The following TMEM179 variants were observed in gnomAD, a reference collection of about 807,000 sequenced individuals.
The protein encoded by TMEM179 is transmembrane protein 179, also known as transmembrane protein 179A.
A neutral mutation model predicts 22.2 loss-of-function variants in TMEM179; 17 were observed. The observed-to-expected ratio is 0.77, with a 90% CI of 0.52 to 1.15. The LOEUF (loss-of-function observed/expected upper bound fraction) is 1.15, where lower values mean the gene tolerates loss of function less well. Among genes scored for constraint, TMEM179 ranks in the 50% most tolerant of loss-of-function variants. The probability of loss-of-function intolerance (pLI) is 0.00; values close to 1 mark genes in which losing one functional copy is unlikely to be tolerated. For synonymous variants in TMEM179, 127 were observed against 140.5 expected, an observed-to-expected ratio of 0.90 and a Z score of 0.68; for missense variants, 265 against 313.6, an observed-to-expected ratio of 0.84 and a Z score of 1.17.
rs1178994982 is a variant in TMEM179, at chr14:104,593,186, C to T, written c.*293G>A. ...ACATAGGCTGGCCAGTCAGGTCCTA[C>T]TGGGACAGCCAAGGGGCCCTGTGCG... is the stretch of plus-strand genomic sequence containing the variant. On this transcript the variant is annotated 3_prime_UTR_variant, in exon 4 of 4. Coordinates refer to ENST00000556573, the MANE Select transcript of TMEM179 (RefSeq NM_001286389.2). The T allele has an allele frequency of 1.0e-4, 50 of 495,648 alleles. 1 individual carries two copies. The highest frequency in any genetic ancestry group is 3.6e-6 in the Non-Finnish European group (1 of 278,426). 30.7% of individuals were successfully genotyped at this position (495,648 alleles called of 1,614,324 possible).
intron 1 of TMEM179, among the ~76,000 whole-genome samples, chr14:104,599,167 C>T (rs1004385467): frequency 6.6e-6 from 1 of 152,204 alleles, no homozygotes; most frequent in Non-Finnish European, 1.5e-5. Flanking sequence ...TGGCTCCATC[C>T]GCCCTGCCCA....
Position 104,591,150 on chromosome 14 carries a change from A to T in TMEM179, c.*2329T>A. On this transcript the variant is annotated 3_prime_UTR_variant, in exon 4 of 4. Transcript: ENST00000556573. ...TGTGTCTGGGCTCCGGAGACAGCCC[A>T]GTCCAGGGTGGGTCTATGTCTGCAT... is the stretch of plus-strand genomic sequence containing the variant. 2.9e-6 allele frequency: 1 copy of T among 340,960 alleles called. No individual in the cohort carries two copies. Among genetic ancestry groups the T allele is most frequent in the Non-Finnish European group, 5.8e-6 (1 of 173,430 alleles). The allele number at this position is 340,960 out of a possible 1,614,324, so 21.1% of individuals were successfully genotyped here.
At chr14:104,596,662 T>C (rs1305634553) in intron 2 of TMEM179, among the ~76,000 whole-genome samples, 1 of 152,072 alleles carries the variant, frequency 6.6e-6, no homozygotes, top group Non-Finnish European at 1.5e-5. Flanking sequence ...ACGGGATCTG[T>C]CATCTAAGCC....
Position 104,593,504 on chromosome 14 carries a change from T to G in TMEM179, c.677A>C (p.Gln226Pro), listed in dbSNP as rs1243945847. 2 of 1,535,836 alleles carry G rather than the reference T, an allele frequency of 1.3e-6. No individual in the cohort carries two copies. Among genetic ancestry groups the G allele is most frequent in the Non-Finnish European group, 1.7e-6 (2 of 1,146,774 alleles). ...CTAAATGACAGCGCTCTTCTCCTCT[T>G]GGAAGGAGGTGCGTGGGGACGGCCG... is the stretch of plus-strand genomic sequence containing the variant. ...LARPSPRTSF[Q>P]EEKSAVI Residue 226 changes from glutamine (Q) to proline (P), a missense_variant, in exon 4 of 4, where the codon CAA becomes CCA. By Grantham distance (76) the Gln-to-Pro change is moderately conservative (BLOSUM62 -1). Coordinates refer to ENST00000556573, the MANE Select transcript of TMEM179 (RefSeq NM_001286389.2).
Position 104,597,526 on chromosome 14 carries a change from T to C in TMEM179, c.306-399A>G, listed in dbSNP as rs534194029. The stretch of plus-strand genomic sequence containing the variant: ...AGGTGCTTGTGTCCCCCCAAATCCA[T>C]ATGTTCCAGTCCACTGAGGGGTTAG... On this transcript the variant is annotated intron_variant, in intron 1 of 3. Coordinates refer to ENST00000556573, the MANE Select transcript of TMEM179 (RefSeq NM_001286389.2). This position sits in a 1 kb window ranked among gnomAD's most constrained non-coding sequence, Gnocchi z 4.8. 6.6e-6 allele frequency among the ~76,000 whole-genome samples: 1 copy of C among 152,068 alleles called. No homozygotes were observed. Among genetic ancestry groups the C allele is most frequent in the East Asian group, 1.9e-4 (1 of 5,168 alleles).
intron 3 of TMEM179, chr14:104,594,915 C>T (rs1886967253): frequency 7.7e-7 from 1 of 1,292,044 alleles, no homozygotes; most frequent in South Asian, 1.8e-5. Context: ...GACCCCAGGG[C>T]CTTGCCACTT....
chr14:104,600,677 T>C (rs897622235), intron 1 of TMEM179, among the ~76,000 whole-genome samples: 1 of 152,242 alleles, frequency 6.6e-6, no homozygotes, highest in Non-Finnish European at 1.5e-5. Context: ...AGCATCAAGA[T>C]GACACTCCTC....
intron 1 of TMEM179, among the ~76,000 whole-genome samples, chr14:104,598,517 C>T (rs146949937): frequency 3.1e-4 from 47 of 152,370 alleles, no homozygotes; most frequent in Middle Eastern, 3.4e-3. Flanking sequence ...AAGTGGAGGC[C>T]AGCGCATTGT....
intron 1 of TMEM179, among the ~76,000 whole-genome samples, chr14:104,598,197 A>G (rs964073281): frequency 2.6e-5 from 4 of 152,228 alleles, no homozygotes; most frequent in African/African-American, 9.6e-5. Flanking sequence ...CCTGGAATGC[A>G]CACGGAGGCT....
rs530617633 is a variant in TMEM179 at position 104,600,008 on chromosome 14, G to A, written c.306-2881C>T. The stretch of plus-strand genomic sequence containing the variant: ...CAGCCTCACCCCTATGAAATGGCCC[G>A]ATTTTGGAGTCTTCTCCCATGACCA... On this transcript the variant is annotated intron_variant, in intron 1 of 3. Transcript: ENST00000556573. Among the ~76,000 whole-genome samples, 54 of 152,294 alleles carry A rather than the reference G, an allele frequency of 3.5e-4. No individual in the cohort carries two copies. The East Asian group carries it at 7.7e-3, about 22-fold the overall frequency.
Position 104,592,525 on chromosome 14 carries a change from C to T in TMEM179, c.*954G>A, listed in dbSNP as rs1596294765. 6.7e-6 allele frequency: 1 copy of T among 149,222 alleles called. No homozygotes were observed. The highest frequency in any genetic ancestry group is 1.5e-5 in the Non-Finnish European group (1 of 66,194). 9.2% of individuals were successfully genotyped at this position (149,222 alleles called of 1,614,324 possible). A position where few individuals can be genotyped will look rare whatever the true frequency, so the allele number is the denominator to read the frequency against. ...ACACCCTCACATGCACACTCATGCA[C>T]ACTCATATCCTCCCATGCAGTCACA... On this transcript the variant is annotated 3_prime_UTR_variant, in exon 4 of 4. Coordinates refer to ENST00000556573, the MANE Select transcript of TMEM179 (RefSeq NM_001286389.2).
Position 104,591,421 on chromosome 14 carries a change from A to G in TMEM179, c.*2058T>C. ...ACAGACAAGGAGCTCTCCGGACTGG[A>G]AAGAGTCCCCATGTCCAGTGGGTCA... On this transcript the variant is annotated 3_prime_UTR_variant, in exon 4 of 4. Coordinates refer to ENST00000556573, the MANE Select transcript of TMEM179 (RefSeq NM_001286389.2). 2.2e-6 allele frequency: 1 copy of G among 455,988 alleles called. No individual in the cohort carries two copies. The highest frequency in any genetic ancestry group is 4.4e-6 in the Non-Finnish European group (1 of 226,752). The allele number at this position is 455,988 out of a possible 1,614,324, so 28.2% of individuals were successfully genotyped here.
At chr14:104,601,013 G>A (rs1237085784) in intron 1 of TMEM179, among the ~76,000 whole-genome samples, 1 of 152,224 alleles carries the variant, frequency 6.6e-6, no homozygotes, top group Non-Finnish European at 1.5e-5. Flanking sequence ...TGGACGTCCA[G>A]TGGCCGTCGA....
Position 104,597,058 on chromosome 14 carries a change from G to T in TMEM179, c.375C>A (p.Ser125Arg). 3 of 1,609,950 alleles carry T rather than the reference G, an allele frequency of 1.9e-6. No individual in the cohort carries two copies. The highest frequency in any genetic ancestry group is 2.5e-6 in the Non-Finnish European group (3 of 1,178,834). The change falls in exon 2 of 4, where the codon AGC becomes AGA. Residue 125 changes from serine to arginine, a missense_variant. Ser to Arg is a moderately radical substitution (Grantham distance 110, BLOSUM62 -1). Coordinates refer to ENST00000556573, the MANE Select transcript of TMEM179 (RefSeq NM_001286389.2). The surrounding 1 kb of genome is among the most constrained non-coding windows in gnomAD (Gnocchi z 4.8). The stretch of plus-strand genomic sequence containing the variant: ...TGGTGAAGCCCACGCTCACGATGGT[G>T]CTGGCAATGAAGACCAGGAAGACCA... The part of the protein sequence containing the change: ...AFVVFLVFIA[S>R]TIVSVGFTMW...
At chr14:104,601,777 G>A (rs1007792453) in intron 1 of TMEM179, among the ~76,000 whole-genome samples, 1 of 152,130 alleles carries the variant, frequency 6.6e-6, no homozygotes. Context: ...GAAATGCTCC[G>A]CCACAGGCCC....
intron 3 of TMEM179, chr14:104,594,899 A>G: frequency 5.8e-6 from 6 of 1,027,006 alleles, no homozygotes; most frequent in Non-Finnish European, 6.9e-6. Flanking sequence ...CACACTTCCC[A>G]CCCCAGACCC....
Position 104,604,282 on chromosome 14 carries a change from C to T in TMEM179, c.305+155G>A, listed in dbSNP as rs112573850. 6.0e-4 allele frequency among the ~76,000 whole-genome samples: 92 copies of T among 152,076 alleles called. No individual in the cohort carries two copies. Among genetic ancestry groups the T allele is most frequent in the African/African-American group, 2.0e-3 (82 of 41,484 alleles). ...CCTGGATGTGTGTGTAGACAAAGGG[C>T]GGTCTGAGTGGAGGGGGTGAGGGCG... On this transcript the variant is annotated intron_variant, in intron 1 of 3. Transcript: ENST00000556573. This position sits in a 1 kb window ranked among gnomAD's most constrained non-coding sequence, Gnocchi z 4.6.
chr14:104,604,570 C>G lies in TMEM179; in HGVS notation c.172G>C (p.Glu58Gln). The G allele has an allele frequency of 6.5e-7, 1 of 1,534,802 alleles. No individual in the cohort carries two copies. The highest frequency in any genetic ancestry group is 1.4e-5 in the African/African-American group (1 of 70,530). The part of the protein sequence containing the change: ...LSANLTVQER[E>Q]RFTVQEWGPP... ...CCCCACTCCTGCACCGTGAAGCGCT[C>G]GCGCTCCTGCACCGTGAGGTTGGCG... Residue 58 changes from glutamate to glutamine, a missense_variant, in exon 1 of 4, where the codon GAG becomes CAG. Coordinates refer to ENST00000556573, the MANE Select transcript of TMEM179 (RefSeq NM_001286389.2). The surrounding 1 kb of genome is among the most constrained non-coding windows in gnomAD (Gnocchi z 4.6).
chr14:104,600,582 C>CCATTCATT (rs555646900), intron 1 of TMEM179, among the ~76,000 whole-genome samples: 7 of 146,048 alleles, frequency 4.8e-5, no homozygotes, highest in African/African-American at 1.7e-4. Flanking sequence ...ATTCATTCAT[C>CCATTCATT]CATTCATTCA....
Sources: allele counts gnomAD v4.1 joint callset (sites outside exome capture counted in the v4.1 genomes callset), GRCh38; gene constraint gnomAD v4.1.1; non-coding constraint Gnocchi (gnomAD v3.1); transcripts MANE v1.5; gene names NCBI Gene and HGNC (gene_info 2026-07-23, HGNC 2026-07-21).